The following WDR72 variants were observed in gnomAD, a reference collection of about 807,000 sequenced individuals.
WDR72 encodes WD repeat domain 72.
Under a neutral mutation model 124.2 loss-of-function variants are expected in WDR72, and 120 were observed. That is an observed-to-expected ratio of 0.97 (90% CI 0.83 to 1.12). The LOEUF (loss-of-function observed/expected upper bound fraction) is 1.12. WDR72 is among the 50% of genes most tolerant of loss of function. The pLI, the probability that WDR72 is intolerant of heterozygous loss-of-function variation, is 0.00. For missense variants in WDR72, 1,387 were observed against 1,278.8 expected (o/e 1.08, Z -1.29); for synonymous variants, 452 against 441.7 (o/e 1.02, Z -0.29).
chr15:53,705,484 AC>A (rs1374378384), intron 10 of WDR72, among the ~76,000 whole-genome samples: 2 of 151,950 alleles, frequency 1.3e-5, no homozygotes, highest in Admixed American at 1.3e-4. Context: ...TTTTTTTGAG[AC>A]CAAGTCTCAC....
chr15:53,536,499 A>G (rs2140245013), intron 18 of WDR72, among the ~76,000 whole-genome samples: 1 of 152,250 alleles, frequency 6.6e-6, no homozygotes, highest in East Asian at 1.9e-4. Flanking sequence ...CGACCTCCAA[A>G]GAAAGGAAGG....
At chr15:53,706,331 C>CGTGT (rs58315386) in intron 9 of WDR72, among the ~76,000 whole-genome samples, 237 of 51,654 alleles carry the variant, frequency 4.6e-3, no homozygotes, top group African/African-American at 0.013. Flanking sequence ...GTTATATGTG[C>CGTGT]GTGTGTGTGT....
At chr15:53,675,477 TTTAA>T (rs1428679287) in intron 13 of WDR72, among the ~76,000 whole-genome samples, 6 of 152,212 alleles carry the variant, frequency 3.9e-5, no homozygotes, top group Non-Finnish European at 8.8e-5. Context: ...AAAGAATACA[TTTAA>T]TTAATTGTAC....
Position 53,722,855 on chromosome 15 carries a change from T to A in WDR72, c.207A>T (p.Ala69=). 1 of 1,612,778 alleles carries A rather than the reference T, an allele frequency of 6.2e-7. No individual in the cohort carries two copies. The highest frequency in any genetic ancestry group is 1.1e-5 in the South Asian group (1 of 91,076). ...GCTGTTTAGAGAAGTCCCTTGCTCT[T>A]GCCAAACATGTTACCGAAGCTGAAT... ...FGHSASVTCL[A]RARDFSKQPY... is the part of the protein sequence containing the mutation. Residue 69 remains alanine (A), a synonymous_variant, in exon 3 of 20, where the codon GCA becomes GCT. Transcript: ENST00000360509.
At position 53,715,379 on chromosome 15, in the gene WDR72, G is replaced by A; in HGVS notation, c.340-12C>T. 2 of 1,613,980 alleles carry A rather than the reference G, an allele frequency of 1.2e-6. No homozygotes were observed. Among genetic ancestry groups the A allele is most frequent in the Non-Finnish European group, 1.7e-6 (2 of 1,179,914 alleles). ...GAGCAGTGGTAATACTACGTACATG[G>A]AAAGCAAAGCAAACATTTAATTATC... On this transcript the variant is annotated splice_polypyrimidine_tract_variant and intron_variant, in intron 4 of 19. Transcript: ENST00000360509.
chr15:53,717,717 G>C (rs923872041), intron 3 of WDR72, among the ~76,000 whole-genome samples: 1 of 152,078 alleles, frequency 6.6e-6, no homozygotes, highest in Non-Finnish European at 1.5e-5. Context: ...ACAATGCATA[G>C]AACAGTACCC....
At chr15:53,656,898 T>G (rs2015438139) in intron 14 of WDR72, among the ~76,000 whole-genome samples, 1 of 151,872 alleles carries the variant, frequency 6.6e-6, no homozygotes, top group South Asian at 2.1e-4. Flanking sequence ...TTTAAGTAGG[T>G]GGGATAGGGT....
chr15:53,649,267 G>A (rs1243894144), intron 14 of WDR72, among the ~76,000 whole-genome samples: 3 of 152,098 alleles, frequency 2.0e-5, no homozygotes, highest in African/African-American at 7.2e-5. Context: ...AGTTGAGTAG[G>A]TGTACCAGAG....
intron 13 of WDR72, among the ~76,000 whole-genome samples, chr15:53,696,654 A>C (rs2017012361): frequency 6.6e-6 from 1 of 152,208 alleles, no homozygotes; most frequent in Non-Finnish European, 1.5e-5. Flanking sequence ...AGACCATTCA[A>C]CCTTTGTAAG....
At chr15:53,682,989 G>C (rs548345556) in intron 13 of WDR72, among the ~76,000 whole-genome samples, 2 of 152,258 alleles carry the variant, frequency 1.3e-5, no homozygotes, top group East Asian at 3.9e-4. Flanking sequence ...TATGGCAAAA[G>C]GTGAAGGGGA....
At chr15:53,755,332 T>C (rs1370176281) in intron 1 of WDR72, among the ~76,000 whole-genome samples, 1 of 152,238 alleles carries the variant, frequency 6.6e-6, no homozygotes, top group African/African-American at 2.4e-5. Context: ...GCATAACGGA[T>C]TATTAGGCAT....
At chr15:53,713,486 T>C (rs189564641) in intron 6 of WDR72, among the ~76,000 whole-genome samples, 2 of 138,892 alleles carry the variant, frequency 1.4e-5, no homozygotes, top group Admixed American at 1.5e-4. Flanking sequence ...AGTCTTGCTG[T>C]GTCGCCAAGG....
upstream of WDR72, among the ~76,000 whole-genome samples, chr15:53,760,708 TTGCTGG>T (rs1433265791): frequency 6.6e-6 from 1 of 152,182 alleles, no homozygotes; most frequent in East Asian, 1.9e-4. Flanking sequence ...AGCAATCGGG[TTGCTGG>T]ATCATATGGT....
At chr15:53,720,924 T>C (rs2017859795) in intron 3 of WDR72, among the ~76,000 whole-genome samples, 2 of 152,158 alleles carry the variant, frequency 1.3e-5, no homozygotes, top group Non-Finnish European at 1.5e-5. Context: ...CTGGTCACCA[T>C]AAAGGCAAAA....
At chr15:53,683,062 TA>T (rs1298141843) in intron 13 of WDR72, among the ~76,000 whole-genome samples, 1 of 152,054 alleles carries the variant, frequency 6.6e-6, no homozygotes, top group Non-Finnish European at 1.5e-5. Context: ...CAAATACTTT[TA>T]AAACCATTAG....
At position 53,702,241 on chromosome 15, in the gene WDR72, C is replaced by A. The variant is rs199558782; in HGVS notation, c.1462G>T (p.Asp488Tyr). 2 of 1,614,068 alleles carry A rather than the reference C, an allele frequency of 1.2e-6. No homozygotes were observed. The highest frequency in any genetic ancestry group is 2.2e-5 in the East Asian group (1 of 44,858). ...DQSWMLSGDL[D>Y]SCVILWDIFT... is the part of the protein sequence containing the mutation. ...ATATCCCACAAGATCACACATGAGT[C>A]CAGGTCCCCAGACAACATCCAACTT... Residue 488 changes from aspartate (D) to tyrosine (Y), a missense_variant, in exon 12 of 20, where the codon GAC (aspartate) becomes TAC (tyrosine). Physicochemically the swap from Asp to Tyr is radical, Grantham distance 160. Coordinates refer to ENST00000360509, the MANE Select transcript of WDR72 (RefSeq NM_182758.4).
At chr15:53,682,516 T>A (rs1390032785) in intron 13 of WDR72, among the ~76,000 whole-genome samples, 2 of 151,984 alleles carry the variant, frequency 1.3e-5, no homozygotes, top group Non-Finnish European at 2.9e-5. Flanking sequence ...TTGCTCTGAT[T>A]TTTTTTTCCC....
At chr15:53,682,270 G>A (rs1377393849) in intron 13 of WDR72, among the ~76,000 whole-genome samples, 1 of 151,540 alleles carries the variant, frequency 6.6e-6, no homozygotes, top group East Asian at 1.9e-4. Flanking sequence ...GGAGATCCAT[G>A]TTCACCACAT....
chr15:53,606,060 G>C (rs1274463484), intron 17 of WDR72, among the ~76,000 whole-genome samples: 1 of 152,040 alleles, frequency 6.6e-6, no homozygotes, highest in African/African-American at 2.4e-5. Flanking sequence ...CTGTAGAGTG[G>C]GTAAATTCTC....
Sources: allele counts gnomAD v4.1 joint callset (sites outside exome capture counted in the v4.1 genomes callset), GRCh38; gene constraint gnomAD v4.1.1; transcripts MANE v1.5; gene names NCBI Gene and HGNC (gene_info 2026-07-23, HGNC 2026-07-21).